The following IKZF3 variants were observed in gnomAD, a reference collection of about 807,000 sequenced individuals.
IKZF3 encodes IKAROS family zinc finger 3.
IKZF3 carries 10 observed loss-of-function variants against 49.0 expected under a neutral mutation model. The ratio of observed to expected loss-of-function variants is 0.20; its 90% CI spans 0.13 to 0.35. The LOEUF is 0.35. Among genes scored for constraint, IKZF3 ranks in the 10% least tolerant of loss-of-function variants. IKZF3 has a pLI of 1.00. For missense variants in IKZF3, 498 were observed against 664.8 expected, an observed-to-expected ratio of 0.75 and a Z score of 2.76; for synonymous variants, 209 against 228.2, an observed-to-expected ratio of 0.92 and a Z score of 0.76.
At chr17:39,820,641 A>T (rs1258928455) in intron 3 of IKZF3, among the ~76,000 whole-genome samples, 1 of 152,110 alleles carries the variant, frequency 6.6e-6, no homozygotes, top group Non-Finnish European at 1.5e-5. Context: ...TTTTCTCACT[A>T]GATCCTCCTG....
chr17:39,813,841 G>A (rs1211485737), intron 3 of IKZF3, among the ~76,000 whole-genome samples: 2 of 152,182 alleles, frequency 1.3e-5, no homozygotes, highest in Non-Finnish European at 2.9e-5. Context: ...GGGCTTGAGA[G>A]ATGTAATATT....
chr17:39,850,792 T>C, intron 1 of IKZF3, among the ~76,000 whole-genome samples: 1 of 123,398 alleles, frequency 8.1e-6, no homozygotes, highest in African/African-American at 3.3e-5. Context: ...TATACATATC[T>C]AATATGCTAT....
chr17:39,761,161 G>C lies in IKZF3; in HGVS notation c.*4629C>G, dbSNP rs2060173924. On this transcript the variant is annotated 3_prime_UTR_variant, in exon 8 of 8. Coordinates refer to ENST00000346872, the MANE Select transcript of IKZF3 (RefSeq NM_012481.5). ...AAATGTTAAGCACTGCATTTAAAAGGTGAGAAATTTTGTCACTGACAAAGT... is the reference window on the plus strand; with the variant it reads ...AAATGTTAAGCACTGCATTTAAAAGCTGAGAAATTTTGTCACTGACAAAGT... 1 of 152,210 alleles carries C rather than the reference G, an allele frequency of 6.6e-6. No individual in the cohort carries two copies. Among genetic ancestry groups the C allele is most frequent in the African/African-American group, 2.4e-5 (1 of 41,458 alleles). The allele number at this position is 152,210 out of a possible 1,614,324, so 9.4% of individuals were successfully genotyped here.
Position 39,856,432 on chromosome 17 carries a change from C to A in IKZF3, c.7+7688G>T, listed in dbSNP as rs754383367. The stretch of plus-strand genomic sequence containing the variant: ...CTGGTGGTGGCACGTGCCACCACAC[C>A]CAGCTAATTTTCATATTTTTAGTAG... On this transcript the variant is annotated intron_variant, in intron 1 of 7. Transcript: ENST00000346872. 1.8e-4 allele frequency among the ~76,000 whole-genome samples: 28 copies of A among 152,006 alleles called. 1 individual carries two copies. The highest frequency in any genetic ancestry group is 6.0e-4 in the African/African-American group (25 of 41,398).
At chr17:39,798,618 G>A (rs1344247169) in intron 3 of IKZF3, among the ~76,000 whole-genome samples, 1 of 150,980 alleles carries the variant, frequency 6.6e-6, no homozygotes, top group Non-Finnish European at 1.5e-5. Context: ...CCATTCTCTT[G>A]GCTCAGCCTC....
rs551503817 is a variant in IKZF3, at chr17:39,824,058, G to T, written c.163+5329C>A. On this transcript the variant is annotated intron_variant, in intron 3 of 7. Transcript: ENST00000346872. ...CTGGAAAAGCTGCAAGACACTCAAC[G>T]CCAGCCCGTGAAAGCAGCTGGGAAG... 1.6e-4 allele frequency among the ~76,000 whole-genome samples: 24 copies of T among 152,190 alleles called. 1 individual carries two copies. The highest frequency in any genetic ancestry group is 5.8e-4 in the African/African-American group (24 of 41,432).
In IKZF3 at chr17:39,799,073, G is replaced by A. The variant is rs373738502; in HGVS notation, c.164-6140C>T. On this transcript the variant is annotated intron_variant, in intron 3 of 7. Coordinates refer to ENST00000346872, the MANE Select transcript of IKZF3 (RefSeq NM_012481.5). Reference sequence around the variant, plus strand: ...TTAACCTGTATCTGTAAGACCAGAGGTTATGTGGTTTTAAAATAGAAAATT... The same window carrying A: ...TTAACCTGTATCTGTAAGACCAGAGATTATGTGGTTTTAAAATAGAAAATT... Among the ~76,000 whole-genome samples the A allele has an allele frequency of 3.9e-5, 6 of 151,950 alleles. No homozygotes were observed. The East Asian group carries it at 5.8e-4, about 15-fold the overall frequency.
intron 1 of IKZF3, chr17:39,835,157 G>A (rs563431953): frequency 4.1e-6 from 2 of 488,432 alleles, no homozygotes; most frequent in African/African-American, 2.0e-5. Context: ...GCCCACCTGA[G>A]TAGCCCCTGG....
At chr17:39,795,611 T>C (rs1338116676) in intron 3 of IKZF3, among the ~76,000 whole-genome samples, 1 of 151,778 alleles carries the variant, frequency 6.6e-6, no homozygotes, top group Non-Finnish European at 1.5e-5. Context: ...TTCGCCATGT[T>C]GGCCAGGCTG....
chr17:39,858,094 A>G (rs1346962861), intron 1 of IKZF3, among the ~76,000 whole-genome samples: 1 of 152,234 alleles, frequency 6.6e-6, no homozygotes, highest in Admixed American at 6.5e-5. Context: ...AATTCAGAGT[A>G]GAAAAATAAT....
Position 39,765,459 on chromosome 17 carries a change from T to C in IKZF3, c.*331A>G, listed in dbSNP as rs1254354958. ...CTTTTCCACGTGTGGTTGATATATC[T>C]CAGAAAGAATGTTTCATATAGCACA... On this transcript the variant is annotated 3_prime_UTR_variant, in exon 8 of 8. Coordinates refer to ENST00000346872, the MANE Select transcript of IKZF3 (RefSeq NM_012481.5). The C allele has an allele frequency of 5.0e-6, 1 of 201,528 alleles. No homozygotes were observed. The highest frequency in any genetic ancestry group is 1.0e-5 in the Non-Finnish European group (1 of 98,822). The allele number at this position is 201,528 out of a possible 1,614,324, so 12.5% of individuals were successfully genotyped here.
At chr17:39,779,738 G>A (rs754206790) in intron 6 of IKZF3, among the ~76,000 whole-genome samples, 2 of 148,706 alleles carry the variant, frequency 1.3e-5, no homozygotes, top group Non-Finnish European at 3.0e-5. Flanking sequence ...TGCCTAGAGC[G>A]CCACAGTTTG....
intron 7 of IKZF3, among the ~76,000 whole-genome samples, chr17:39,777,264 T>C (rs1184610682): frequency 6.6e-6 from 1 of 152,218 alleles, no homozygotes; most frequent in East Asian, 1.9e-4. Context: ...AGTTTGAGCA[T>C]GCTAACGAAC....
chr17:39,847,941 G>C lies in IKZF3; in HGVS notation c.8-15790C>G, dbSNP rs34478667. Among the ~76,000 whole-genome samples the C allele has an allele frequency of 5.8e-3, 880 of 152,252 alleles. 13 individuals carry two copies. Among genetic ancestry groups the C allele is most frequent in the African/African-American group, 0.02 (843 of 41,540 alleles). On this transcript the variant is annotated intron_variant, in intron 1 of 7. Coordinates refer to ENST00000346872, the MANE Select transcript of IKZF3 (RefSeq NM_012481.5). ...CTATACAGATTACAGATTTTAGAAGGCCAGAACTAGAAGAAATTTTAGATC... is the reference window on the plus strand; with the variant it reads ...CTATACAGATTACAGATTTTAGAAGCCCAGAACTAGAAGAAATTTTAGATC...
chr17:39,770,844 C>T (rs531437541), intron 7 of IKZF3, among the ~76,000 whole-genome samples: 1 of 147,332 alleles, frequency 6.8e-6, no homozygotes, highest in Admixed American at 6.8e-5. Context: ...CTTGCTCTGT[C>T]ACCCAGGATG....
At chr17:39,793,055 A>G (rs2061069517) in intron 3 of IKZF3, 122 bp from the exon 4 acceptor site, 1 of 980,612 alleles carries the variant, frequency 1.0e-6, no homozygotes, top group Non-Finnish European at 1.5e-6. Context: ...AACACTGTAC[A>G]TCTACAAAAC....
In IKZF3 at chr17:39,812,555, T is replaced by A. The variant is rs117319346; in HGVS notation, c.163+16832A>T. Among the ~76,000 whole-genome samples the A allele has an allele frequency of 3.9e-3, 595 of 152,308 alleles. 33 individuals are homozygous for A. In the East Asian group the frequency reaches 0.091, roughly 23 times the overall value. Reference sequence around the variant, plus strand: ...TTGTTGAAAATTTAACAAGCAGCTATGAGCTGATTCTGGCACACCACTGGG... The same window carrying A: ...TTGTTGAAAATTTAACAAGCAGCTAAGAGCTGATTCTGGCACACCACTGGG... On this transcript the variant is annotated intron_variant, in intron 3 of 7. Transcript: ENST00000346872.
At chr17:39,844,367 G>A (rs929924137) in intron 1 of IKZF3, among the ~76,000 whole-genome samples, 3 of 152,128 alleles carry the variant, frequency 2.0e-5, no homozygotes, top group Non-Finnish European at 4.4e-5. Flanking sequence ...TTTGAACAGG[G>A]AAAGCATGCT....
At chr17:39,792,463 T>C (rs1311998663) in intron 4 of IKZF3, among the ~76,000 whole-genome samples, 2 of 152,240 alleles carry the variant, frequency 1.3e-5, no homozygotes, top group East Asian at 3.8e-4. Flanking sequence ...ACAGTCTTTT[T>C]TTATTCATAG....
Sources: gnomAD v4.1 joint callset for allele counts (sites outside exome capture counted in the v4.1 genomes callset) on GRCh38, gnomAD v4.1.1 for gene constraint, MANE v1.5 for transcripts, NCBI Gene and HGNC (gene_info 2026-07-23, HGNC 2026-07-21) for gene names.